IP6K3: variants seen among roughly 807,000 people sequenced by gnomAD.
IP6K3 encodes ATP:1D-myo-inositol-hexakisphosphate phosphotransferase.
In IP6K3, 20 loss-of-function variants were observed where a neutral mutation model predicts 28.8. The ratio of observed to expected loss-of-function variants is 0.70; its 90% CI spans 0.49 to 1.01. The LOEUF is 1.01. Among genes scored for constraint, IP6K3 ranks in the 50% least tolerant of loss-of-function variants. The pLI, the probability that IP6K3 is intolerant of heterozygous loss-of-function variation, is 0.00. For synonymous variants in IP6K3, 213 were observed against 221.3 expected (o/e 0.96, Z 0.33); for missense variants, 480 against 537.1 (o/e 0.89, Z 1.05).
chr6:33,758,011 C>A, the IP6K3 span, among the ~76,000 whole-genome samples: 18,271 of 152,214 alleles, frequency 0.12, 1,459 homozygotes, highest in Middle Eastern at 0.22. Context: ...AATGGCGTGG[C>A]GTCTGGGAGG....
At chr6:33,723,769 A>G (rs1309215350) in intron 5 of IP6K3, among the ~76,000 whole-genome samples, 2 of 152,250 alleles carry the variant, frequency 1.3e-5, no homozygotes, top group Non-Finnish European at 2.9e-5. Context: ...CAGCCAGTGC[A>G]GTTGAGGGGA....
chr6:33,760,949 A>T, the IP6K3 span, among the ~76,000 whole-genome samples: 4 of 151,008 alleles, frequency 2.6e-5, no homozygotes, highest in African/African-American at 9.9e-5. Context: ...GAGACTACGC[A>T]TCCTCTTCTC....
At position 33,728,142 on chromosome 6, in the gene IP6K3, C is replaced by A; in HGVS notation, c.358G>T (p.Asp120Tyr). ...LQQTTGSNGS[D>Y]CTLAQWPHAQ... ...TGCGGCCACTGGGCAAGGGTGCAGT[C>A]GCTGCCATTGCTGCCGGTGGTCTGC... Residue 120 changes from aspartate (D) to tyrosine (Y), a missense_variant, in exon 3 of 6, where the codon GAC becomes TAC. By Grantham distance (160) the Asp-to-Tyr change is radical. Transcript: ENST00000293756. 2 of 1,610,968 alleles carry A rather than the reference C, an allele frequency of 1.2e-6. No individual in the cohort carries two copies. The highest frequency in any genetic ancestry group is 1.7e-6 in the Non-Finnish European group (2 of 1,179,984).
the IP6K3 span, among the ~76,000 whole-genome samples, chr6:33,754,538 G>A: frequency 1.9e-4 from 29 of 152,170 alleles, no homozygotes; most frequent in Admixed American, 7.2e-4. Flanking sequence ...CATTACTGTC[G>A]GCCCTGGTTT....
chr6:33,728,284 G>C lies in IP6K3; in HGVS notation c.216C>G (p.His72Gln), dbSNP rs766558233. 3.1e-6 allele frequency: 5 copies of C among 1,614,072 alleles called. No homozygotes were observed. In the South Asian group the frequency reaches 4.4e-5, roughly 14 times the overall value. The change falls in exon 3 of 6, where the codon CAC (histidine) becomes CAG (glutamine). Residue 72 changes from histidine (H) to glutamine (Q), a missense_variant. Transcript: ENST00000293756. Reference sequence around the variant, plus strand: ...GATGGCCTGTGCTGTCTTTCCAGAGGTGCACTGTGACGGTACCTGCAAACA... The same window carrying C: ...GATGGCCTGTGCTGTCTTTCCAGAGCTGCACTGTGACGGTACCTGCAAACA... ...TPQYKGTVTV[H>Q]LWKDSTGHLS...
chr6:33,741,982 A>C (rs982057670), intron 1 of IP6K3, among the ~76,000 whole-genome samples: 1 of 152,124 alleles, frequency 6.6e-6, no homozygotes, highest in Non-Finnish European at 1.5e-5. Flanking sequence ...AAGCAAAAAA[A>C]AAAAAAACAA....
chr6:33,734,716 G>A (rs1409684424), intron 2 of IP6K3, among the ~76,000 whole-genome samples: 1 of 152,222 alleles, frequency 6.6e-6, no homozygotes, highest in African/African-American at 2.4e-5. Flanking sequence ...CTTGTGCTCA[G>A]ATCCAAGACA....
the IP6K3 span, among the ~76,000 whole-genome samples, chr6:33,752,138 G>A: frequency 1.3e-5 from 2 of 152,232 alleles, no homozygotes; most frequent in Non-Finnish European, 1.5e-5. Flanking sequence ...TTTAATCCAC[G>A]CAAGAGCCAA....
chr6:33,755,068 A>T, the IP6K3 span, among the ~76,000 whole-genome samples: 1 of 152,220 alleles, frequency 6.6e-6, no homozygotes, highest in Non-Finnish European at 1.5e-5. Context: ...AGACATAGTG[A>T]GACCTGGCCA....
intron 2 of IP6K3, among the ~76,000 whole-genome samples, chr6:33,728,665 C>G (rs1050971617): frequency 4.6e-5 from 7 of 152,262 alleles, no homozygotes; most frequent in African/African-American, 1.7e-4. Context: ...CAACCCAGCT[C>G]TGCCTGACCT....
chr6:33,756,489 T>A, the IP6K3 span, among the ~76,000 whole-genome samples: 37 of 150,052 alleles, frequency 2.5e-4, no homozygotes, highest in Middle Eastern at 3.4e-3. Context: ...TGTGTGTGTG[T>A]GAGAGACAGA....
chr6:33,731,878 G>A (rs1015228985), intron 2 of IP6K3, among the ~76,000 whole-genome samples: 2 of 152,002 alleles, frequency 1.3e-5, no homozygotes, highest in African/African-American at 4.8e-5. Context: ...GTGGGACCCA[G>A]CCAGAGTCTT....
chr6:33,745,621 C>A (rs996232050), intron 1 of IP6K3, among the ~76,000 whole-genome samples: 1 of 152,128 alleles, frequency 6.6e-6, no homozygotes, highest in African/African-American at 2.4e-5. Context: ...ATTTAAGAGA[C>A]CTGCTGACCC....
the IP6K3 span, among the ~76,000 whole-genome samples, chr6:33,760,538 G>T: frequency 6.6e-6 from 1 of 152,172 alleles, no homozygotes; most frequent in South Asian, 2.1e-4. Flanking sequence ...TGTTTGTTTT[G>T]TTTTGTTTGA....
At chr6:33,759,940 A>AC in the IP6K3 span, among the ~76,000 whole-genome samples, 1 of 151,562 alleles carries the variant, frequency 6.6e-6, no homozygotes, top group Admixed American at 6.6e-5. Flanking sequence ...ACCAATGTGG[A>AC]CCCCCCACCT....
intron 5 of IP6K3, 50 bp from the exon 6 acceptor site, chr6:33,723,237 A>C (rs770833454): frequency 8.0e-7 from 1 of 1,251,226 alleles, no homozygotes; most frequent in Non-Finnish European, 1.1e-6. Context: ...ACTTAAACAA[A>C]TTGTATCTGG....
chr6:33,728,254 G>A lies in IP6K3; in HGVS notation c.246C>T (p.Ser82=). The A allele has an allele frequency of 1.2e-6, 2 of 1,614,220 alleles. No individual in the cohort carries two copies. Among genetic ancestry groups the A allele is most frequent in the South Asian group, 2.2e-5 (2 of 91,084 alleles). ...HLWKDSTGHL[S]LVANPVKESQ... ...TCTCCTTCACTGGGTTGGCAACCAA[G>A]CTGAGATGGCCTGTGCTGTCTTTCC... Residue 82 remains serine, a synonymous_variant, in exon 3 of 6, where the codon AGC becomes AGT. Transcript: ENST00000293756.
intron 5 of IP6K3, among the ~76,000 whole-genome samples, 188 bp downstream of exon 5, chr6:33,725,253 A>C (rs1766057258): frequency 6.6e-6 from 1 of 152,012 alleles, no homozygotes; most frequent in Non-Finnish European, 1.5e-5. Flanking sequence ...AAAATAGAAA[A>C]AAGAAAATTT....
chr6:33,733,649 G>A (rs982252999), intron 2 of IP6K3, among the ~76,000 whole-genome samples: 2 of 152,352 alleles, frequency 1.3e-5, no homozygotes, highest in Non-Finnish European at 2.9e-5. Context: ...TGACAAGATG[G>A]GAAGTGACCC....
Sources: gnomAD v4.1 joint callset for allele counts (sites outside exome capture counted in the v4.1 genomes callset) on GRCh38, gnomAD v4.1.1 for gene constraint, MANE v1.5 for transcripts, NCBI Gene and HGNC (gene_info 2026-07-23, HGNC 2026-07-21) for gene names.